GSE1: variants seen among roughly 807,000 people sequenced by gnomAD.
The protein encoded by GSE1 is genetic suppressor element 1.
A neutral mutation model predicts 112.6 loss-of-function variants in GSE1; 32 were observed. The ratio of observed to expected loss-of-function variants is 0.28; its 90% CI spans 0.21 to 0.38. The LOEUF is 0.38. GSE1 is among the 10% of genes least tolerant of loss of function. GSE1 has a pLI of 1.00. For missense variants in GSE1, 2,348 were observed against 1,699.2 expected, an observed-to-expected ratio of 1.38 and a Z score of -6.71; for synonymous variants, 1,115 against 735.6, an observed-to-expected ratio of 1.52 and a Z score of -8.35.
chr16:85,321,602 C>T (rs900522376), intron 1 of GSE1, among the ~76,000 whole-genome samples: 9 of 151,996 alleles, frequency 5.9e-5, no homozygotes, highest in Admixed American at 6.6e-5. Context: ...TGCTGCTACA[C>T]TCCAGCCTGG....
intron 1 of GSE1, among the ~76,000 whole-genome samples, chr16:85,258,118 G>A (rs1001930681): frequency 6.6e-6 from 1 of 152,226 alleles, no homozygotes; most frequent in African/African-American, 2.4e-5. Flanking sequence ...TCAATTGAGG[G>A]GCAGGGTAGA....
At chr16:85,376,109 G>A (rs574198557) in intron 2 of GSE1, among the ~76,000 whole-genome samples, 1 of 152,096 alleles carries the variant, frequency 6.6e-6, no homozygotes, top group South Asian at 2.1e-4. Context: ...CCTCACCCCC[G>A]CCAAAGAAGG....
intron 1 of GSE1, among the ~76,000 whole-genome samples, chr16:85,252,367 T>C (rs1906582942): frequency 6.6e-6 from 1 of 152,204 alleles, no homozygotes; most frequent in South Asian, 2.1e-4. Context: ...TCTGGAATCT[T>C]CCTCCCTCCC....
intron 2 of GSE1, among the ~76,000 whole-genome samples, chr16:85,635,206 G>A (rs528770118): frequency 6.6e-6 from 1 of 152,154 alleles, no homozygotes; most frequent in African/African-American, 2.4e-5. Context: ...TTGGAGAATG[G>A]GGGGAGTGTG....
chr16:85,173,820 G>T (rs1388078724), intron 1 of GSE1, among the ~76,000 whole-genome samples: 1 of 152,180 alleles, frequency 6.6e-6, no homozygotes, highest in Non-Finnish European at 1.5e-5. Context: ...GGACGGGAAC[G>T]CAGGCTGGTG....
At chr16:85,194,612 A>AT (rs1301481875) in intron 1 of GSE1, among the ~76,000 whole-genome samples, 1 of 151,810 alleles carries the variant, frequency 6.6e-6, no homozygotes, top group Admixed American at 6.6e-5. Context: ...GAGTGTTGGG[A>AT]TTTTTTTTCC....
At chr16:85,301,436 T>A (rs1483907314) in intron 1 of GSE1, among the ~76,000 whole-genome samples, 1 of 152,158 alleles carries the variant, frequency 6.6e-6, no homozygotes, top group Non-Finnish European at 1.5e-5. Flanking sequence ...GTTAAAAGTC[T>A]GCCAGCAGAC....
At chr16:85,230,083 G>A (rs2143827938) in intron 1 of GSE1, among the ~76,000 whole-genome samples, 1 of 152,328 alleles carries the variant, frequency 6.6e-6, no homozygotes, top group Admixed American at 6.5e-5. Context: ...GGGCAGCTGA[G>A]TCCCCTGCTC....
intron 1 of GSE1, among the ~76,000 whole-genome samples, chr16:85,210,460 A>G (rs1458631354): frequency 6.6e-6 from 1 of 152,172 alleles, no homozygotes; most frequent in African/African-American, 2.4e-5. Flanking sequence ...GCCGGGCATG[A>G]TGCCTGTAGT....
In GSE1 at chr16:85,668,188, C is replaced by G. The variant is rs755021906; in HGVS notation, c.3179C>G (p.Ser1060Cys). The change falls in exon 14 of 16, where the codon TCC (serine) becomes TGC (cysteine). Residue 1060 changes from serine to cysteine, a missense_variant. Transcript: ENST00000253458. ...GAGCAGAACCACAAGGTTGACACGT[C>G]CGTCCACTACAACATTCCTGAGCTG... ...SAEQNHKVDT[S>C]VHYNIPELQS... The G allele has an allele frequency of 1.6e-5, 26 of 1,608,850 alleles. No homozygotes were observed. The South Asian group carries it at 2.6e-4, about 16-fold the overall frequency.
chr16:85,381,892 C>G (rs769816311), intron 2 of GSE1, among the ~76,000 whole-genome samples: 1 of 152,162 alleles, frequency 6.6e-6, no homozygotes, highest in Non-Finnish European at 1.5e-5. Context: ...CTGCCTGACA[C>G]CCGCCTGGGG....
At chr16:85,170,525 A>G (rs1054120784) in exon 1 of GSE1, 2 of 985,798 alleles carry the variant, frequency 2.0e-6, no homozygotes, top group South Asian at 4.7e-5. Flanking sequence ...GAGGACCACA[A>G]GGAACAGCCT....
chr16:85,574,457 C>G (rs914166907), intron 1 of GSE1, among the ~76,000 whole-genome samples: 3 of 152,182 alleles, frequency 2.0e-5, no homozygotes, highest in African/African-American at 7.2e-5. Flanking sequence ...AAACCCGAGG[C>G]TTACTCCCTG....
At chr16:85,466,921 G>A (rs918151323) in intron 2 of GSE1, among the ~76,000 whole-genome samples, 1 of 152,210 alleles carries the variant, frequency 6.6e-6, no homozygotes, top group African/African-American at 2.4e-5. Context: ...TTAGCCAGGC[G>A]TGGTGGCAGG....
Position 85,669,294 on chromosome 16 carries a change from C to A in GSE1, c.3415+870C>A, listed in dbSNP as rs534551659. Among the ~76,000 whole-genome samples the A allele has an allele frequency of 1.1e-4, 17 of 152,370 alleles. No individual in the cohort carries two copies. The East Asian group carries it at 3.1e-3, about 28-fold the overall frequency. On this transcript the variant is annotated intron_variant, in intron 14 of 15. Transcript: ENST00000253458. ...GCCACCTGTAATTGATTTAACATGT[C>A]CTAGAGGACTCTTTATCATCACATA...
chr16:85,275,413 C>G (rs1007137160), intron 1 of GSE1, among the ~76,000 whole-genome samples: 1 of 152,192 alleles, frequency 6.6e-6, no homozygotes, highest in African/African-American at 2.4e-5. Flanking sequence ...GCTGAGGGCT[C>G]ACTCCCTTGG....
chr16:85,276,534 A>C (rs1909379564), intron 1 of GSE1, among the ~76,000 whole-genome samples: 1 of 152,242 alleles, frequency 6.6e-6, no homozygotes, highest in Non-Finnish European at 1.5e-5. Flanking sequence ...GGTTCAGCCA[A>C]GGCAGGGCCT....
intron 2 of GSE1, among the ~76,000 whole-genome samples, chr16:85,541,288 C>T (rs1051073172): frequency 5.9e-5 from 9 of 152,166 alleles, no homozygotes; most frequent in African/African-American, 9.7e-5. Context: ...TGGGGGTGAC[C>T]GAGACACAGT....
At chr16:85,658,898 C>T (rs1028772138) in intron 8 of GSE1, among the ~76,000 whole-genome samples, 2 of 152,236 alleles carry the variant, frequency 1.3e-5, no homozygotes, top group Admixed American at 6.5e-5. Flanking sequence ...CCCATCCGGA[C>T]CTGGGGCATG....
Sources: gnomAD v4.1 joint callset for allele counts (sites outside exome capture counted in the v4.1 genomes callset) on GRCh38, gnomAD v4.1.1 for gene constraint, MANE v1.5 for transcripts, NCBI Gene and HGNC (gene_info 2026-07-23, HGNC 2026-07-21) for gene names.